Variants in PDCD1LG2 observed in about 807,000 individuals in gnomAD.
PDCD1LG2 encodes programmed cell death 1 ligand 2.
PDCD1LG2 carries 32 observed loss-of-function variants against 28.2 expected under a neutral mutation model. That is an observed-to-expected ratio of 1.13 (90% CI 0.86 to 1.52). PDCD1LG2 has a LOEUF of 1.52. Ranked by LOEUF, PDCD1LG2 falls within the 40% of genes most tolerant of loss-of-function variation. PDCD1LG2 has a pLI of 0.00. For synonymous variants in PDCD1LG2, 116 were observed against 120.2 expected (o/e 0.97, Z 0.23); for missense variants, 385 against 323.8 (o/e 1.19, Z -1.45).
intron 3 of PDCD1LG2, among the ~76,000 whole-genome samples, chr9:5,535,317 G>A (rs953276816): frequency 1.3e-5 from 2 of 152,174 alleles, no homozygotes; most frequent in African/African-American, 4.8e-5. Flanking sequence ...CTGAAATGTG[G>A]GAGGGTATGA....
At chr9:5,553,370 T>G (rs532981029) in intron 4 of PDCD1LG2, among the ~76,000 whole-genome samples, 2 of 152,162 alleles carry the variant, frequency 1.3e-5, no homozygotes, top group Non-Finnish European at 2.9e-5. Flanking sequence ...CACGAGAACT[T>G]TTTTCCCCTG....
In PDCD1LG2 at chr9:5,511,646, G is replaced by A. The variant is rs116667397; in HGVS notation, c.-15+843G>A. 8.1e-3 allele frequency among the ~76,000 whole-genome samples: 1,234 copies of A among 152,300 alleles called. 18 individuals carry two copies. Among genetic ancestry groups the A allele is most frequent in the African/African-American group, 0.028 (1,181 of 41,562 alleles). On this transcript the variant is annotated intron_variant, in intron 1 of 6. Coordinates refer to ENST00000397747, the MANE Select transcript of PDCD1LG2 (RefSeq NM_025239.4). ...AGACAGTTGTATCAGGGTCAAATAC[G>A]GAGTTGGCCTGGATGTCCTCCAAGC... is the stretch of plus-strand genomic sequence containing the variant.
intron 5 of PDCD1LG2, among the ~76,000 whole-genome samples, chr9:5,561,221 A>G (rs1307278936): frequency 6.6e-6 from 1 of 152,224 alleles, no homozygotes; most frequent in South Asian, 2.1e-4. Context: ...ACACACTGTA[A>G]GTGCTCAATA....
At chr9:5,567,840 G>A (rs1832098074) in intron 6 of PDCD1LG2, among the ~76,000 whole-genome samples, 1 of 152,176 alleles carries the variant, frequency 6.6e-6, no homozygotes, top group Admixed American at 6.5e-5. Flanking sequence ...TTACCGATAA[G>A]GTACTCAAGA....
chr9:5,537,200 C>T (rs990385260), intron 3 of PDCD1LG2, among the ~76,000 whole-genome samples: 3 of 152,182 alleles, frequency 2.0e-5, no homozygotes, highest in Non-Finnish European at 4.4e-5. Flanking sequence ...GAAACTGCTT[C>T]CATTCCCATT....
intron 3 of PDCD1LG2, among the ~76,000 whole-genome samples, chr9:5,539,759 C>G (rs1208701658): frequency 1.3e-5 from 2 of 152,152 alleles, no homozygotes; most frequent in East Asian, 1.9e-4. Context: ...ACAAGAACAC[C>G]AAGAGCCAAA....
intron 2 of PDCD1LG2, among the ~76,000 whole-genome samples, chr9:5,534,407 C>CT (rs2129789470): frequency 6.6e-6 from 1 of 152,244 alleles, no homozygotes; most frequent in Non-Finnish European, 1.5e-5. Flanking sequence ...GACTGCAGGG[C>CT]TTGGGGGGTC....
intron 4 of PDCD1LG2, among the ~76,000 whole-genome samples, chr9:5,557,181 A>G (rs573669724): frequency 1.3e-5 from 2 of 152,172 alleles, no homozygotes; most frequent in African/African-American, 4.8e-5. Context: ...GCCACTGGGA[A>G]GAGAGAGAGG....
intron 5 of PDCD1LG2, among the ~76,000 whole-genome samples, chr9:5,558,135 C>A (rs139821102): frequency 6.6e-6 from 1 of 152,182 alleles, no homozygotes; most frequent in Admixed American, 6.5e-5. Context: ...ATTTTCACCC[C>A]TCTTTTCCCC....
At chr9:5,564,369 T>C (rs1816623348) in intron 6 of PDCD1LG2, among the ~76,000 whole-genome samples, 2 of 152,180 alleles carry the variant, frequency 1.3e-5, no homozygotes, top group Admixed American at 6.5e-5. Flanking sequence ...TTGGATGCAA[T>C]AGCAATGAAT....
intron 4 of PDCD1LG2, among the ~76,000 whole-genome samples, chr9:5,553,878 C>T (rs866925004): frequency 9.8e-5 from 15 of 152,302 alleles, no homozygotes; most frequent in African/African-American, 2.4e-4. Context: ...GACATGGATC[C>T]TCTGCTTCAT....
In PDCD1LG2 at chr9:5,541,459, A is replaced by C. The variant is rs151102913; in HGVS notation, c.361+6409A>C. Among the ~76,000 whole-genome samples the C allele has an allele frequency of 1.9e-3, 297 of 152,316 alleles. 1 individual carries two copies. The highest frequency in any genetic ancestry group is 6.8e-3 in the African/African-American group (282 of 41,574). ...ATGATCATATACCTAGAAAACCCTAAGGATTCATCTTGAAAGCTCCTAGAA... is the reference window on the plus strand; with the variant it reads ...ATGATCATATACCTAGAAAACCCTACGGATTCATCTTGAAAGCTCCTAGAA... On this transcript the variant is annotated intron_variant, in intron 3 of 6. Coordinates refer to ENST00000397747, the MANE Select transcript of PDCD1LG2 (RefSeq NM_025239.4).
At chr9:5,562,495 G>A (rs1816583764) in intron 5 of PDCD1LG2, among the ~76,000 whole-genome samples, 2 of 152,166 alleles carry the variant, frequency 1.3e-5, no homozygotes, top group Admixed American at 6.5e-5. Context: ...GAAGGAGAGA[G>A]TAGGGAGTGG....
intron 2 of PDCD1LG2, among the ~76,000 whole-genome samples, chr9:5,526,920 A>G (rs1820390892): frequency 6.6e-6 from 1 of 152,156 alleles, no homozygotes; most frequent in Non-Finnish European, 1.5e-5. Flanking sequence ...CCCTGTTGGT[A>G]GACATTATTT....
chr9:5,566,094 G>C (rs1816660395), intron 6 of PDCD1LG2, among the ~76,000 whole-genome samples: 1 of 149,850 alleles, frequency 6.7e-6, no homozygotes, highest in Admixed American at 6.6e-5. Context: ...ATTATGAGGA[G>C]AGTGTACAGC....
intron 3 of PDCD1LG2, among the ~76,000 whole-genome samples, chr9:5,545,011 ATATAGT>A (rs1816157272): frequency 6.6e-6 from 1 of 152,216 alleles, no homozygotes. Context: ...ATCTTGTGAG[ATATAGT>A]TAAAGGAGGT....
intron 1 of PDCD1LG2, among the ~76,000 whole-genome samples, chr9:5,513,963 G>T (rs1018896408): frequency 6.6e-6 from 1 of 152,192 alleles, no homozygotes; most frequent in Admixed American, 6.5e-5. Context: ...GTTAGTTCAG[G>T]TATTTCAGAT....
chr9:5,536,304 C>T (rs1820578879), intron 3 of PDCD1LG2, among the ~76,000 whole-genome samples: 1 of 152,124 alleles, frequency 6.6e-6, no homozygotes, highest in African/African-American at 2.4e-5. Flanking sequence ...GAGCATGGTA[C>T]CCGGCATATA....
intron 6 of PDCD1LG2, among the ~76,000 whole-genome samples, chr9:5,566,129 G>C (rs561241457): frequency 1.3e-5 from 2 of 152,102 alleles, no homozygotes; most frequent in Admixed American, 1.3e-4. Context: ...GAGCCATCCC[G>C]CACTCTCATT....
Sources: allele counts gnomAD v4.1 joint callset (sites outside exome capture counted in the v4.1 genomes callset), GRCh38; gene constraint gnomAD v4.1.1; transcripts MANE v1.5; gene names NCBI Gene and HGNC (gene_info 2026-07-23, HGNC 2026-07-21).